The following CCDC171 variants were observed in gnomAD, a reference collection of about 807,000 sequenced individuals.
The protein encoded by CCDC171 is coiled-coil domain-containing protein 171.
Under a neutral mutation model 168.2 loss-of-function variants are expected in CCDC171, and 177 were observed. That is an observed-to-expected ratio of 1.05 (90% CI 0.93 to 1.19). CCDC171 has a LOEUF of 1.19. Among genes scored for constraint, CCDC171 ranks in the 50% most tolerant of loss-of-function variants. The pLI, the probability that CCDC171 is intolerant of heterozygous loss-of-function variation, is 0.00. For synonymous variants in CCDC171, 687 were observed against 540.8 expected (o/e 1.27, Z -3.75); for missense variants, 1,991 against 1,539.0 (o/e 1.29, Z -4.91).
intron 7 of CCDC171, among the ~76,000 whole-genome samples, chr9:15,656,230 G>C (rs867646529): frequency 6.6e-6 from 1 of 151,956 alleles, no homozygotes; most frequent in Middle Eastern, 3.4e-3. Context: ...GCTGAGGCAG[G>C]AGAATGGTAT....
At chr9:15,587,776 T>C (rs1027195615) in intron 4 of CCDC171, 9 of 354,470 alleles carry the variant, frequency 2.5e-5, no homozygotes, top group African/African-American at 4.2e-5. Context: ...TTACCAGATA[T>C]ATGAGGAAAC....
intron 7 of CCDC171, among the ~76,000 whole-genome samples, chr9:15,643,734 C>T (rs776096886): frequency 6.6e-6 from 1 of 152,224 alleles, no homozygotes; most frequent in East Asian, 1.9e-4. Context: ...TCGTTCTCTC[C>T]TTCTTCCCTA....
At chr9:15,719,430 G>GAT (rs2053316810) in intron 11 of CCDC171, among the ~76,000 whole-genome samples, 1 of 139,640 alleles carries the variant, frequency 7.2e-6, no homozygotes. Flanking sequence ...GAGAGAGAGA[G>GAT]AGAGAGAGAG....
intron 25 of CCDC171, among the ~76,000 whole-genome samples, chr9:15,958,409 T>C (rs139227548): frequency 6.6e-6 from 1 of 151,960 alleles, no homozygotes; most frequent in Non-Finnish European, 1.5e-5. Flanking sequence ...ATTAAATAGC[T>C]ACATGTGGCT....
chr9:15,658,230 A>G (rs2048078596), intron 8 of CCDC171, among the ~76,000 whole-genome samples: 1 of 152,240 alleles, frequency 6.6e-6, no homozygotes, highest in African/African-American at 2.4e-5. Context: ...AAGACTAATT[A>G]TGGAAGTCCT....
At chr9:15,812,144 A>C (rs2059383447) in intron 21 of CCDC171, among the ~76,000 whole-genome samples, 1 of 152,212 alleles carries the variant, frequency 6.6e-6, no homozygotes, top group Non-Finnish European at 1.5e-5. Flanking sequence ...AAAAGGGACG[A>C]GAGAGAGTCT....
chr9:15,979,155 A>G (rs1831714241), intron 3 of CCDC171, among the ~76,000 whole-genome samples: 2 of 152,102 alleles, frequency 1.3e-5, no homozygotes. Context: ...CTTTTGATTT[A>G]TTTCCAGCTT....
At position 15,658,581 on chromosome 9, in the gene CCDC171, G is replaced by T. The variant is rs1240741400; in HGVS notation, c.915+1362G>T. On this transcript the variant is annotated intron_variant, in intron 8 of 25. Coordinates refer to ENST00000380701, the MANE Select transcript of CCDC171 (RefSeq NM_173550.4). ...TTTGAGGATCTTGAGATGGGAGTTT[G>T]TCCCAGTTTATCTAGTTGAGACTGA... Among the ~76,000 whole-genome samples, 3 of 152,280 alleles carry T rather than the reference G, an allele frequency of 2.0e-5. No homozygotes were observed. The East Asian group carries it at 5.8e-4, about 29-fold the overall frequency.
chr9:15,970,719 G>T (rs1440075886), intron 25 of CCDC171, among the ~76,000 whole-genome samples: 2 of 152,112 alleles, frequency 1.3e-5, no homozygotes, highest in Non-Finnish European at 2.9e-5. Context: ...GATACCATCA[G>T]TGTTCTCAAA....
chr9:16,101,601 C>A, the CCDC171 span, among the ~76,000 whole-genome samples: 2 of 152,316 alleles, frequency 1.3e-5, no homozygotes, highest in African/African-American at 2.4e-5. Context: ...TGTGCCTAAC[C>A]AAACTACATG....
chr9:16,066,460 C>T (rs1185958229), downstream of CCDC171, among the ~76,000 whole-genome samples: 2 of 144,748 alleles, frequency 1.4e-5, no homozygotes, highest in Admixed American at 6.9e-5. Context: ...TTTTTCTTTT[C>T]TTTTTTTTTT....
At chr9:15,672,994 A>G (rs553773376) in intron 9 of CCDC171, among the ~76,000 whole-genome samples, 2 of 152,222 alleles carry the variant, frequency 1.3e-5, no homozygotes, top group East Asian at 1.9e-4. Context: ...TGAGCATGTG[A>G]TATTCTTCCA....
At chr9:15,852,308 A>C (rs2061163249) in intron 23 of CCDC171, among the ~76,000 whole-genome samples, 1 of 151,622 alleles carries the variant, frequency 6.6e-6, no homozygotes, top group Non-Finnish European at 1.5e-5. Flanking sequence ...TATGGTTTTG[A>C]TTTGTATTTT....
intron 16 of CCDC171, among the ~76,000 whole-genome samples, chr9:15,738,558 G>T (rs73644942): frequency 6.6e-6 from 1 of 152,066 alleles, no homozygotes; most frequent in South Asian, 2.1e-4. Context: ...ATATGAAAGC[G>T]ATGTTCCTTA....
chr9:15,877,179 G>GAAAC (rs3082868), intron 24 of CCDC171, among the ~76,000 whole-genome samples: 114,496 of 149,904 alleles, frequency 0.76, 44,759 homozygotes, highest in Non-Finnish European at 0.84. Flanking sequence ...TTTCTTAGCT[G>GAAAC]AAACAAACAA....
chr9:15,555,266 C>T (rs1201900318), intron 1 of CCDC171, among the ~76,000 whole-genome samples: 1 of 152,086 alleles, frequency 6.6e-6, no homozygotes, highest in Non-Finnish European at 1.5e-5. Flanking sequence ...AGTTCAACTC[C>T]ACTATCAAAA....
At chr9:15,630,512 G>T (rs1288845894) in intron 7 of CCDC171, among the ~76,000 whole-genome samples, 1 of 152,036 alleles carries the variant, frequency 6.6e-6, no homozygotes, top group Non-Finnish European at 1.5e-5. Flanking sequence ...ACAGGAGCAC[G>T]AAGATTCATA....
At chr9:16,001,198 A>T (rs1461404037) in intron 3 of CCDC171, among the ~76,000 whole-genome samples, 2 of 152,202 alleles carry the variant, frequency 1.3e-5, no homozygotes, top group African/African-American at 2.4e-5. Context: ...ATGATCTTGT[A>T]GGATATGCTG....
At chr9:15,609,379 G>A (rs2131814577) in intron 6 of CCDC171, among the ~76,000 whole-genome samples, 1 of 152,294 alleles carries the variant, frequency 6.6e-6, no homozygotes, top group East Asian at 1.9e-4. Context: ...AAAGTGCTGG[G>A]ATTACAGGCG....
Sources: allele counts gnomAD v4.1 joint callset (sites outside exome capture counted in the v4.1 genomes callset), GRCh38; gene constraint gnomAD v4.1.1; transcripts MANE v1.5; gene names NCBI Gene and HGNC (gene_info 2026-07-23, HGNC 2026-07-21).